The following SNTG1 variants were observed in gnomAD, a reference collection of about 807,000 sequenced individuals.
The protein encoded by SNTG1 is syntrophin gamma 1, also known as gamma-1-syntrophin.
SNTG1 carries 39 observed loss-of-function variants against 74.7 expected under a neutral mutation model. That is an observed-to-expected ratio of 0.52 (90% confidence interval 0.40 to 0.68). SNTG1 has a LOEUF of 0.68. Ranked by LOEUF, SNTG1 falls within the 30% of genes least tolerant of loss-of-function variation. The pLI is 0.00. For missense variants in SNTG1, 685 were observed against 609.5 expected (o/e 1.12, Z -1.30); for synonymous variants, 254 against 217.1 (o/e 1.17, Z -1.49).
At chr8:50,757,643 T>C (rs1470681656) in intron 18 of SNTG1, among the ~76,000 whole-genome samples, 4 of 151,964 alleles carry the variant, frequency 2.6e-5, no homozygotes, top group African/African-American at 4.8e-5. Context: ...CTTTATTTTT[T>C]AATAAGCACA....
intron 15 of SNTG1, among the ~76,000 whole-genome samples, chr8:50,696,708 A>G (rs189620415): frequency 2.6e-5 from 4 of 152,076 alleles, no homozygotes; most frequent in Admixed American, 6.5e-5. Context: ...TACCCAGTGT[A>G]TATTCTTGTT....
At chr8:49,936,389 A>T (rs1485271509) in intron 1 of SNTG1, among the ~76,000 whole-genome samples, 2 of 152,226 alleles carry the variant, frequency 1.3e-5, no homozygotes, top group East Asian at 3.9e-4. Context: ...AGTTCATTTT[A>T]TAGGGAATCT....
intron 17 of SNTG1, among the ~76,000 whole-genome samples, chr8:50,722,113 T>G (rs2095489056): frequency 6.6e-6 from 1 of 151,814 alleles, no homozygotes. Context: ...TCACATTGTA[T>G]GTATGTATAT....
chr8:50,090,748 C>A (rs1310591126), intron 1 of SNTG1, among the ~76,000 whole-genome samples: 2 of 151,850 alleles, frequency 1.3e-5, no homozygotes, highest in Non-Finnish European at 1.5e-5. Context: ...CTTGGGCAGA[C>A]AATACAATCA....
rs139299803 is a variant in SNTG1, at chr8:50,178,186, C to T, written c.-28+5551C>T. 1.6e-3 allele frequency among the ~76,000 whole-genome samples: 248 copies of T among 152,252 alleles called. 2 individuals carry two copies. The highest frequency in any genetic ancestry group is 9.0e-4 in the Non-Finnish European group (61 of 67,990). ...TAAGCTTTCAAATCCATTGGTAATG[C>T]TTAGTAGCATAACTGCTGCATCAAG... On this transcript the variant is annotated intron_variant, in intron 2 of 18. Transcript: ENST00000642720.
chr8:50,461,128 T>C (rs933990984), intron 8 of SNTG1, among the ~76,000 whole-genome samples: 3 of 151,052 alleles, frequency 2.0e-5, no homozygotes, highest in African/African-American at 7.3e-5. Context: ...GGTTGTTTTG[T>C]AGAATGTCCT....
chr8:50,502,782 A>G lies in SNTG1; in HGVS notation c.368A>G (p.Gln123Arg), dbSNP rs2093972762. 1 of 1,611,624 alleles carries G rather than the reference A, an allele frequency of 6.2e-7. No homozygotes were observed. The highest frequency in any genetic ancestry group is 1.3e-5 in the African/African-American group (1 of 74,984). The change falls in exon 9 of 19, where the codon CAG (glutamine) becomes CGG (arginine). Residue 123 changes from glutamine to arginine, a missense_variant. Gln to Arg is a conservative substitution (Grantham distance 43, BLOSUM62 1). Transcript: ENST00000642720. ...VRKCRHEEVV[Q>R]VLRNAGEEVT... is the part of the protein sequence containing the mutation. ...TCTTTTTATTCTTTTTTTCAGGTTC[A>G]GGTTCTTCGGAATGCTGGAGAAGAA...
rs1261436261 is a variant in SNTG1, at chr8:50,536,692, C to G, written c.564C>G (p.Cys188Trp). The G allele has an allele frequency of 6.2e-7, 1 of 1,613,818 alleles. No individual in the cohort carries two copies. The highest frequency in any genetic ancestry group is 8.5e-7 in the Non-Finnish European group (1 of 1,179,790). Residue 188 changes from cysteine (C) to tryptophan (W), a missense_variant, in exon 11 of 19, where the codon TGC becomes TGG. By Grantham distance (215) the Cys-to-Trp change is radical (BLOSUM62 -2). Coordinates refer to ENST00000642720, the MANE Select transcript of SNTG1 (RefSeq NM_018967.5). ...YHPNNTDTLS[C>W]SSWPTSPGLR... ...CTTCCTTTCAGGACACATTATCATG[C>G]TCGTCGTGGCCGACGTCTCCAGGCT...
chr8:50,534,550 G>A (rs1186567801), intron 10 of SNTG1, among the ~76,000 whole-genome samples: 7 of 152,184 alleles, frequency 4.6e-5, no homozygotes, highest in African/African-American at 1.7e-4. Context: ...GGAGGCCAAG[G>A]CAGGTGGATC....
intron 2 of SNTG1, among the ~76,000 whole-genome samples, chr8:50,245,583 T>C (rs1217097862): frequency 6.6e-6 from 1 of 152,118 alleles, no homozygotes; most frequent in Non-Finnish European, 1.5e-5. Context: ...CTTGGGAGGC[T>C]GAGGCAGGAG....
At chr8:50,371,747 A>G (rs1218327453) in intron 2 of SNTG1, among the ~76,000 whole-genome samples, 2 of 152,204 alleles carry the variant, frequency 1.3e-5, no homozygotes, top group East Asian at 3.8e-4. Context: ...TAATTATTAC[A>G]TCACATCTTC....
At chr8:50,247,341 G>T (rs1170339441) in intron 2 of SNTG1, among the ~76,000 whole-genome samples, 3 of 152,002 alleles carry the variant, frequency 2.0e-5, no homozygotes, top group Non-Finnish European at 4.4e-5. Flanking sequence ...CATAAATTTG[G>T]TGTTTGTTCT....
chr8:50,731,696 G>A (rs943798017), intron 17 of SNTG1, among the ~76,000 whole-genome samples: 12 of 152,066 alleles, frequency 7.9e-5, no homozygotes, highest in Non-Finnish European at 1.5e-4. Flanking sequence ...TAAACTACAT[G>A]CTATCAAAAA....
intron 9 of SNTG1, among the ~76,000 whole-genome samples, chr8:50,509,320 G>T (rs182412482): frequency 0.018 from 2,692 of 152,162 alleles, 91 homozygotes; most frequent in African/African-American, 0.062. Context: ...TTTGGTTACT[G>T]TAGCCTTGTA....
Position 50,253,032 on chromosome 8 carries a change from T to C in SNTG1, c.-28+80397T>C, listed in dbSNP as rs559450271. Reference sequence around the variant, plus strand: ...TATATAAAACCCAAAAGAAAACAAGTGGTGGTGATGATGTAGAGACAGGGG... The same window carrying C: ...TATATAAAACCCAAAAGAAAACAAGCGGTGGTGATGATGTAGAGACAGGGG... On this transcript the variant is annotated intron_variant, in intron 2 of 18. Coordinates refer to ENST00000642720, the MANE Select transcript of SNTG1 (RefSeq NM_018967.5). Among the ~76,000 whole-genome samples, 8 of 152,108 alleles carry C rather than the reference T, an allele frequency of 5.3e-5. No individual in the cohort carries two copies. In the South Asian group the frequency reaches 1.7e-3, roughly 32 times the overall value.
At chr8:50,779,985 G>A (rs2095653925) in intron 18 of SNTG1, among the ~76,000 whole-genome samples, 1 of 152,070 alleles carries the variant, frequency 6.6e-6, no homozygotes, top group Admixed American at 6.6e-5. Context: ...CTTTGGTTCT[G>A]TTTATATGCT....
At chr8:50,219,749 C>A (rs567764568) in intron 2 of SNTG1, among the ~76,000 whole-genome samples, 21 of 152,310 alleles carry the variant, frequency 1.4e-4, no homozygotes, top group African/African-American at 4.3e-4. Context: ...CATCCTCCAA[C>A]ATTGGGGGTT....
intron 18 of SNTG1, among the ~76,000 whole-genome samples, chr8:50,773,955 T>C (rs2095633638): frequency 6.6e-6 from 1 of 152,110 alleles, no homozygotes; most frequent in South Asian, 2.1e-4. Flanking sequence ...GTACAATTAC[T>C]GAAATTTTAA....
chr8:50,637,157 G>C (rs770968125), intron 13 of SNTG1, among the ~76,000 whole-genome samples: 7 of 152,038 alleles, frequency 4.6e-5, no homozygotes, highest in Non-Finnish European at 1.0e-4. Context: ...TAGTACCTTT[G>C]TTTACCTAAC....
Sources: allele counts gnomAD v4.1 joint callset (sites outside exome capture counted in the v4.1 genomes callset), GRCh38; gene constraint gnomAD v4.1.1; transcripts MANE v1.5; gene names NCBI Gene and HGNC (gene_info 2026-07-23, HGNC 2026-07-21).